Variants in CNTNAP2 observed in about 807,000 individuals in gnomAD.
The protein encoded by CNTNAP2 is contactin-associated protein-like 2.
Under a neutral mutation model 155.2 loss-of-function variants are expected in CNTNAP2, and 98 were observed. The observed-to-expected ratio is 0.63, with a 90% CI of 0.54 to 0.75. The LOEUF (loss-of-function observed/expected upper bound fraction) is 0.75. CNTNAP2 is among the 30% of genes least tolerant of loss of function. The pLI is 0.00. For missense variants in CNTNAP2, 1,727 were observed against 1,688.1 expected, an observed-to-expected ratio of 1.02 and a Z score of -0.40; for synonymous variants, 651 against 631.2, an observed-to-expected ratio of 1.03 and a Z score of -0.47.
intron 15 of CNTNAP2, among the ~76,000 whole-genome samples, chr7:147,990,787 A>G (rs1181653485): frequency 6.6e-6 from 1 of 152,106 alleles, no homozygotes; most frequent in Admixed American, 6.5e-5. Context: ...CCAACCAGTG[A>G]CGCTCACCCA....
At chr7:147,132,216 T>C (rs746759569) in intron 7 of CNTNAP2, 29 bp from the exon 8 acceptor site, 1 of 1,613,018 alleles carries the variant, frequency 6.2e-7, no homozygotes, top group Admixed American at 1.7e-5. Flanking sequence ...TTCTGTGTTT[T>C]CCTCAGAGCC....
intron 15 of CNTNAP2, among the ~76,000 whole-genome samples, chr7:148,107,864 A>G (rs564355334): frequency 6.6e-6 from 1 of 152,340 alleles, no homozygotes; most frequent in Admixed American, 6.5e-5. Context: ...CAGAAGCTAT[A>G]GATATTCTTC....
intron 8 of CNTNAP2, among the ~76,000 whole-genome samples, chr7:147,170,002 G>C (rs1357105372): frequency 6.6e-6 from 1 of 151,802 alleles, no homozygotes; most frequent in African/African-American, 2.4e-5. Flanking sequence ...GGCTCGTTTG[G>C]GGGTAAGGAG....
At chr7:147,366,216 G>A (rs1376416687) in intron 9 of CNTNAP2, among the ~76,000 whole-genome samples, 1 of 152,054 alleles carries the variant, frequency 6.6e-6, no homozygotes, top group African/African-American at 2.4e-5. Flanking sequence ...TTTACATAAA[G>A]TTCATAGGAT....
intron 11 of CNTNAP2, among the ~76,000 whole-genome samples, chr7:147,499,528 CA>C (rs768319519): frequency 2.7e-5 from 4 of 148,136 alleles, no homozygotes; most frequent in African/African-American, 2.5e-5. Context: ...AACTCTGTCT[CA>C]AAAAAAAAAT....
chr7:146,824,306 G>T (rs1803357601), intron 2 of CNTNAP2, among the ~76,000 whole-genome samples: 1 of 152,100 alleles, frequency 6.6e-6, no homozygotes, highest in Non-Finnish European at 1.5e-5. Flanking sequence ...ATTTGGGTTG[G>T]ATCCAAGTCT....
intron 1 of CNTNAP2, among the ~76,000 whole-genome samples, chr7:146,751,605 CT>C (rs961416440): frequency 4.6e-5 from 7 of 151,156 alleles, no homozygotes; most frequent in African/African-American, 9.8e-5. Context: ...TCTAATTCCT[CT>C]TTTTTTTATT....
intron 8 of CNTNAP2, among the ~76,000 whole-genome samples, chr7:147,242,335 C>T (rs151164078): frequency 6.6e-6 from 1 of 152,264 alleles, no homozygotes; most frequent in East Asian, 1.9e-4. Context: ...CAAGTTTAGA[C>T]TACATTAAGG....
chr7:147,450,339 C>T (rs1412883939), intron 10 of CNTNAP2, among the ~76,000 whole-genome samples: 2 of 152,274 alleles, frequency 1.3e-5, no homozygotes, highest in Admixed American at 6.5e-5. Flanking sequence ...GAAACATTAT[C>T]CTCATGCTAC....
At chr7:147,602,536 T>C (rs547623496) in intron 12 of CNTNAP2, among the ~76,000 whole-genome samples, 8 of 151,838 alleles carry the variant, frequency 5.3e-5, no homozygotes, top group Admixed American at 2.0e-4. Context: ...ATGTGCATAA[T>C]GTGCAGGTTA....
At chr7:146,260,348 G>A (rs966125606) in intron 1 of CNTNAP2, among the ~76,000 whole-genome samples, 2 of 152,204 alleles carry the variant, frequency 1.3e-5, no homozygotes, top group African/African-American at 4.8e-5. Context: ...TAGTGGAGCT[G>A]TGAGAAAAAG....
In CNTNAP2 at chr7:146,786,033, C is replaced by T. The variant is rs1585089788; in HGVS notation, c.208+11652C>T. Among the ~76,000 whole-genome samples, 5 of 152,164 alleles carry T rather than the reference C, an allele frequency of 3.3e-5. No individual in the cohort carries two copies. In the South Asian group the frequency reaches 1.0e-3, roughly 32 times the overall value. The stretch of plus-strand genomic sequence containing the variant: ...AGAATAGGGCAAGTCCACAAGTAGC[C>T]GTTTGGGAAGCTCACATCAGCTGGT... On this transcript the variant is annotated intron_variant, in intron 2 of 23. Transcript: ENST00000361727.
In CNTNAP2 at chr7:148,376,679, AAG is replaced by A. The variant is rs1435041736; in HGVS notation, c.3476-6964_3476-6963del. 5.8e-5 allele frequency among the ~76,000 whole-genome samples: 4 copies of A among 68,608 alleles called. 2 individuals are homozygous for A. The highest frequency in any genetic ancestry group is 4.0e-4 in the Admixed American group (2 of 4,942). The allele number at this position is 68,608 out of a possible 152,430, so 45.0% of individuals were successfully genotyped here. On this transcript the variant is annotated intron_variant, in intron 21 of 23. Transcript: ENST00000361727. ...ATTTTAGTCCTGCATATTTCTTCATAAGAGAGAAAAGCATCTAATAAATACAA... is the reference window on the plus strand; with the variant it reads ...ATTTTAGTCCTGCATATTTCTTCATAAGAGAAAAGCATCTAATAAATACAA...
At chr7:147,524,155 C>A (rs767928619) in intron 11 of CNTNAP2, among the ~76,000 whole-genome samples, 1 of 152,190 alleles carries the variant, frequency 6.6e-6, no homozygotes, top group Middle Eastern at 3.2e-3. Flanking sequence ...TAGATGTTTG[C>A]AAATAGTGCT....
At chr7:148,141,765 T>C (rs946335265) in intron 16 of CNTNAP2, among the ~76,000 whole-genome samples, 1 of 152,220 alleles carries the variant, frequency 6.6e-6, no homozygotes, top group Non-Finnish European at 1.5e-5. Flanking sequence ...TTATTTAACA[T>C]AGAATGTTTA....
intron 15 of CNTNAP2, among the ~76,000 whole-genome samples, chr7:148,049,181 C>G (rs1410470661): frequency 2.0e-5 from 3 of 152,216 alleles, no homozygotes; most frequent in African/African-American, 7.2e-5. Flanking sequence ...TGCCATTGCA[C>G]TGCAGCCTGG....
In CNTNAP2 at chr7:147,234,334, C is replaced by CTTTTTTTTTT. The variant is rs1225048153; in HGVS notation, c.1349-65795_1349-65786dup. ...TTTCACCAGTTGTCCCAAGAGTATT[C>CTTTTTTTTTT]TTTTTTTTTTTTTTTTTTTTTGAGA... On this transcript the variant is annotated intron_variant, in intron 8 of 23. Transcript: ENST00000361727. 2.8e-5 allele frequency among the ~76,000 whole-genome samples: 3 copies of CTTTTTTTTTT among 107,556 alleles called. 1 individual carries two copies. Among genetic ancestry groups the CTTTTTTTTTT allele is most frequent in the Non-Finnish European group, 1.7e-5 (1 of 57,492 alleles). 70.6% of individuals were successfully genotyped at this position (107,556 alleles called of 152,430 possible).
intron 11 of CNTNAP2, among the ~76,000 whole-genome samples, chr7:147,538,144 A>G (rs1000295671): frequency 6.6e-5 from 10 of 152,220 alleles, no homozygotes; most frequent in Non-Finnish European, 1.3e-4. Context: ...GACAGAAGAA[A>G]CTAAACGTTC....
chr7:147,757,004 A>T (rs1205923401), intron 13 of CNTNAP2, among the ~76,000 whole-genome samples: 1 of 152,218 alleles, frequency 6.6e-6, no homozygotes, highest in East Asian at 1.9e-4. Context: ...AAAACAAGTT[A>T]TTAAACCTCT....
Sources: gnomAD v4.1 joint callset for allele counts (sites outside exome capture counted in the v4.1 genomes callset) on GRCh38, gnomAD v4.1.1 for gene constraint, MANE v1.5 for transcripts, NCBI Gene and HGNC (gene_info 2026-07-23, HGNC 2026-07-21) for gene names.